POU2F3: variants seen among roughly 807,000 people sequenced by gnomAD.
The protein encoded by POU2F3 is POU domain, class 2, transcription factor 3.
POU2F3 carries 23 observed loss-of-function variants against 59.2 expected under a neutral mutation model. The ratio of observed to expected loss-of-function variants is 0.39; its 90% confidence interval spans 0.28 to 0.55. The LOEUF is 0.55. Ranked by LOEUF, POU2F3 falls within the 20% of genes least tolerant of loss-of-function variation. The pLI is 0.66. For missense variants in POU2F3, 473 were observed against 544.5 expected (o/e 0.87, Z 1.31); for synonymous variants, 190 against 214.6 (o/e 0.89, Z 1.00).
At chr11:120,254,541 G>A (rs1393039935) in intron 2 of POU2F3, among the ~76,000 whole-genome samples, 4 of 152,186 alleles carry the variant, frequency 2.6e-5, no homozygotes, top group Admixed American at 2.6e-4. Flanking sequence ...CCCACTCCTA[G>A]GACTGTCTAG....
Position 120,317,651 on chromosome 11 carries a change from G to T in POU2F3, c.1271+287G>T, listed in dbSNP as rs551949552. On this transcript the variant is annotated intron_variant, in intron 12 of 12. Transcript: ENST00000543440. ...TGGAAATTTCCAAACACTCATGTCA[G>T]AAAGAGCCAGGTCCTTTGCTGGGCT... Among the ~76,000 whole-genome samples, 4 of 152,340 alleles carry T rather than the reference G, an allele frequency of 2.6e-5. No individual in the cohort carries two copies. In the South Asian group the frequency reaches 8.3e-4, roughly 32 times the overall value.
At chr11:120,279,922 G>A (rs1940493855) in intron 3 of POU2F3, among the ~76,000 whole-genome samples, 1 of 152,246 alleles carries the variant, frequency 6.6e-6, no homozygotes. Flanking sequence ...AGCTCTGCAT[G>A]CATTCTGGAT....
intron 1 of POU2F3, among the ~76,000 whole-genome samples, chr11:120,246,142 A>G (rs1190798009): frequency 6.6e-6 from 1 of 152,114 alleles, no homozygotes; most frequent in Non-Finnish European, 1.5e-5. Context: ...CCCTTGTTAA[A>G]TTTTTACCAA....
intron 10 of POU2F3, among the ~76,000 whole-genome samples, chr11:120,309,948 C>A (rs717051): frequency 1.3e-5 from 2 of 151,860 alleles, no homozygotes; most frequent in African/African-American, 2.4e-5. Context: ...GGGGACAGAA[C>A]GAGAAAGGGG....
intron 2 of POU2F3, 109 bp downstream of exon 2, chr11:120,246,626 C>T (rs73576276): frequency 0.058 from 67,030 of 1,158,922 alleles, 3,747 homozygotes; most frequent in East Asian, 0.2. Context: ...CAACCAGACC[C>T]CAAAGCTAGG....
At chr11:120,280,632 AAG>A (rs5795223) in intron 3 of POU2F3, among the ~76,000 whole-genome samples, 52 of 139,506 alleles carry the variant, frequency 3.7e-4, no homozygotes, top group African/African-American at 1.2e-3. Context: ...GAGAGAGAAA[AAG>A]AGAGAGAGAG....
intron 2 of POU2F3, among the ~76,000 whole-genome samples, chr11:120,255,756 G>T (rs1227793014): frequency 6.6e-6 from 1 of 152,038 alleles, no homozygotes; most frequent in Non-Finnish European, 1.5e-5. Context: ...GAGCCGGCTG[G>T]GTCTCCGTCC....
chr11:120,303,815 G>A (rs1941409408), intron 6 of POU2F3: 1 of 152,252 alleles, frequency 6.6e-6, no homozygotes, highest in East Asian at 1.9e-4. Flanking sequence ...TATCCCAGAG[G>A]AGAAGAAGTA....
intron 5 of POU2F3, chr11:120,301,187 G>A: frequency 2.4e-6 from 1 of 424,176 alleles, no homozygotes; most frequent in South Asian, 1.7e-5. Context: ...TGTGTGTTTT[G>A]GGGAAAGTTA....
chr11:120,272,092 T>C (rs1397295124), intron 3 of POU2F3, among the ~76,000 whole-genome samples: 1 of 152,184 alleles, frequency 6.6e-6, no homozygotes, highest in Non-Finnish European at 1.5e-5. Context: ...TAAAACTTGC[T>C]AACCGCCAGG....
intron 4 of POU2F3, among the ~76,000 whole-genome samples, chr11:120,298,784 G>T (rs1378906618): frequency 6.6e-6 from 1 of 152,176 alleles, no homozygotes; most frequent in Non-Finnish European, 1.5e-5. Flanking sequence ...ATGGAGTGCT[G>T]GTGGGGGAAG....
intron 10 of POU2F3, 132 bp downstream of exon 10, chr11:120,309,718 G>A (rs544146026): frequency 6.4e-6 from 7 of 1,097,382 alleles, no homozygotes; most frequent in African/African-American, 1.6e-5. Flanking sequence ...ATAGAATATA[G>A]TATAAAGAAG....
chr11:120,264,577 G>A (rs539525330), intron 2 of POU2F3, among the ~76,000 whole-genome samples: 8 of 152,258 alleles, frequency 5.3e-5, no homozygotes, highest in African/African-American at 9.6e-5. Context: ...CCACCTTTTG[G>A]GGGGGTGGTC....
intron 3 of POU2F3, among the ~76,000 whole-genome samples, chr11:120,274,328 G>A (rs1940233174): frequency 6.6e-6 from 1 of 152,158 alleles, no homozygotes; most frequent in Non-Finnish European, 1.5e-5. Flanking sequence ...AGGGTCAAAT[G>A]ATATGTAGCT....
intron 12 of POU2F3, among the ~76,000 whole-genome samples, chr11:120,318,050 G>A (rs867740335): frequency 2.6e-5 from 4 of 152,130 alleles, no homozygotes; most frequent in East Asian, 1.9e-4. Flanking sequence ...AGCCCGAAAC[G>A]TTGGCGCTCC....
intron 2 of POU2F3, among the ~76,000 whole-genome samples, chr11:120,252,199 T>G (rs1939134108): frequency 6.7e-6 from 1 of 148,688 alleles, no homozygotes; most frequent in Admixed American, 6.7e-5. Context: ...CCTCTTGTTC[T>G]GCTTTTCTTT....
At chr11:120,314,492 G>A (rs1216598782) in intron 10 of POU2F3, among the ~76,000 whole-genome samples, 2 of 152,218 alleles carry the variant, frequency 1.3e-5, no homozygotes, top group African/African-American at 4.8e-5. Flanking sequence ...CAGCTGTTGG[G>A]TTGGAAGCTT....
At chr11:120,250,886 A>T (rs1357234819) in intron 2 of POU2F3, among the ~76,000 whole-genome samples, 2 of 152,006 alleles carry the variant, frequency 1.3e-5, no homozygotes, top group Admixed American at 6.6e-5. Flanking sequence ...CTGAGGCAGG[A>T]GAATTGCTTG....
intron 8 of POU2F3, among the ~76,000 whole-genome samples, chr11:120,305,989 G>A (rs1022431612): frequency 1.3e-5 from 2 of 152,174 alleles, no homozygotes; most frequent in Admixed American, 1.3e-4. Context: ...CCCTCAGAAG[G>A]ATGTGGATTT....
Sources: allele counts gnomAD v4.1 joint callset (sites outside exome capture counted in the v4.1 genomes callset), GRCh38; gene constraint gnomAD v4.1.1; transcripts MANE v1.5; gene names NCBI Gene and HGNC (gene_info 2026-07-23, HGNC 2026-07-21).